The following PRKD1 variants were observed in gnomAD, a reference collection of about 807,000 sequenced individuals.
PRKD1 encodes the protein serine/threonine-protein kinase D1.
A neutral mutation model predicts 95.9 loss-of-function variants in PRKD1; 63 were observed. That is an observed-to-expected ratio of 0.66 (90% confidence interval 0.54 to 0.81). The LOEUF is 0.81. Ranked by LOEUF, PRKD1 falls within the 30% of genes least tolerant of loss-of-function variation. PRKD1 has a pLI of 0.00. For synonymous variants in PRKD1, 425 were observed against 423.1 expected (o/e 1.00, Z -0.05); for missense variants, 1,048 against 1,165.3 (o/e 0.90, Z 1.47).
At chr14:29,827,452 T>G (rs1265378112) in intron 1 of PRKD1, among the ~76,000 whole-genome samples, 2 of 152,058 alleles carry the variant, frequency 1.3e-5, no homozygotes, top group African/African-American at 2.4e-5. Context: ...CCTCCACTGG[T>G]GATCTTTCAC....
intron 1 of PRKD1, among the ~76,000 whole-genome samples, chr14:29,866,086 T>C (rs1350052354): frequency 6.6e-6 from 1 of 152,134 alleles, no homozygotes; most frequent in Non-Finnish European, 1.5e-5. Context: ...CAGATGATGA[T>C]GTTTATTACA....
chr14:29,693,569 T>A (rs189863860), intron 2 of PRKD1, among the ~76,000 whole-genome samples: 257 of 150,954 alleles, frequency 1.7e-3, no homozygotes, highest in Admixed American at 4.3e-3. Flanking sequence ...TAATCAATTC[T>A]GAATTTCAAG....
intron 1 of PRKD1, among the ~76,000 whole-genome samples, chr14:29,741,861 A>T (rs34297732): frequency 0.17 from 24,219 of 141,132 alleles, 2,139 homozygotes; most frequent in South Asian, 0.24. Context: ...GATTTTTTTT[A>T]AAAAAACTCC....
chr14:29,679,027 T>G (rs936848043), intron 2 of PRKD1, among the ~76,000 whole-genome samples: 8 of 152,316 alleles, frequency 5.3e-5, no homozygotes, highest in Non-Finnish European at 1.0e-4. Context: ...ATCACTTTCT[T>G]GGACTCTTTT....
Position 29,665,206 on chromosome 14 carries a change from C to T in PRKD1, c.535+871G>A, listed in dbSNP as rs892689542. ...TAGAGGGCACAACATAAGCAGATAGCTCCATCATGCATTATTTTTTATTTT... is the reference window on the plus strand; with the variant it reads ...TAGAGGGCACAACATAAGCAGATAGTTCCATCATGCATTATTTTTTATTTT... On this transcript the variant is annotated intron_variant, in intron 3 of 17. Transcript: ENST00000331968. Among the ~76,000 whole-genome samples, 7 of 152,134 alleles carry T rather than the reference C, an allele frequency of 4.6e-5. No individual in the cohort carries two copies. The East Asian group carries it at 1.3e-3, about 29-fold the overall frequency.
chr14:29,597,422 ATTAAT>A (rs1459766198), intron 16 of PRKD1, 64 bp downstream of exon 16: 32 of 1,361,104 alleles, frequency 2.4e-5, no homozygotes, highest in Non-Finnish European at 3.1e-5. Context: ...TTACAATTAA[ATTAAT>A]TTAAATTAAT....
intron 16 of PRKD1, 99 bp from the exon 17 acceptor site, chr14:29,578,459 C>A: frequency 1.5e-6 from 1 of 665,750 alleles, no homozygotes; most frequent in Non-Finnish European, 2.1e-6. Context: ...CAGTTAAATG[C>A]AGCATAGTGA....
chr14:29,746,633 G>A (rs1594480062), intron 1 of PRKD1, among the ~76,000 whole-genome samples: 1 of 151,974 alleles, frequency 6.6e-6, no homozygotes, highest in East Asian at 1.9e-4. Context: ...TGTATCCCCA[G>A]TACCCAGGCT....
intron 2 of PRKD1, among the ~76,000 whole-genome samples, chr14:29,689,407 G>A (rs752621611): frequency 1.3e-5 from 2 of 152,036 alleles, no homozygotes; most frequent in Non-Finnish European, 1.5e-5. Context: ...ATCTCAATCA[G>A]ATACCATCTC....
At chr14:29,797,666 G>A (rs935033190) in intron 1 of PRKD1, among the ~76,000 whole-genome samples, 1 of 152,038 alleles carries the variant, frequency 6.6e-6, no homozygotes, top group Non-Finnish European at 1.5e-5. Context: ...CTTGGGCCCA[G>A]GGAACCTCGA....
intron 16 of PRKD1, among the ~76,000 whole-genome samples, chr14:29,579,591 G>A (rs1594334453): frequency 6.6e-6 from 1 of 152,086 alleles, no homozygotes; most frequent in Non-Finnish European, 1.5e-5. Context: ...TGTCACATGA[G>A]ACCAGAGGAA....
chr14:29,576,713 A>C lies in PRKD1; in HGVS notation c.*525T>G, dbSNP rs938704949. 5.9e-6 allele frequency: 1 copy of C among 170,316 alleles called. No individual in the cohort carries two copies. Among genetic ancestry groups the C allele is most frequent in the Non-Finnish European group, 1.3e-5 (1 of 77,102 alleles). 10.6% of individuals were successfully genotyped at this position (170,316 alleles called of 1,614,324 possible). A position where few individuals can be genotyped will look rare whatever the true frequency, so the allele number is the denominator to read the frequency against. ...ACACCAGGCAGGCAAAGGATTCAAA[A>C]CTATACATTAAAACTTGTTCATGCA... On this transcript the variant is annotated 3_prime_UTR_variant, in exon 18 of 18. Coordinates refer to ENST00000331968, the MANE Select transcript of PRKD1 (RefSeq NM_002742.3).
At chr14:29,647,412 A>C (rs1463350163) in intron 4 of PRKD1, among the ~76,000 whole-genome samples, 1 of 152,252 alleles carries the variant, frequency 6.6e-6, no homozygotes, top group Non-Finnish European at 1.5e-5. Flanking sequence ...TTTCCACCGA[A>C]GAAGAAAATA....
chr14:29,661,937 A>G (rs1882214217), intron 4 of PRKD1, among the ~76,000 whole-genome samples: 1 of 152,212 alleles, frequency 6.6e-6, no homozygotes, highest in Non-Finnish European at 1.5e-5. Flanking sequence ...TTTACAAAAA[A>G]ATTTTAATTC....
intron 1 of PRKD1, among the ~76,000 whole-genome samples, chr14:29,884,878 T>C (rs1231973208): frequency 6.6e-6 from 1 of 152,136 alleles, no homozygotes; most frequent in Non-Finnish European, 1.5e-5. Flanking sequence ...ATCCCAGCAC[T>C]TTGGGAGGCC....
Position 29,646,266 on chromosome 14 carries a change from G to C in PRKD1, c.697-7362C>G, listed in dbSNP as rs545500691. 5.9e-5 allele frequency among the ~76,000 whole-genome samples: 9 copies of C among 151,922 alleles called. No homozygotes were observed. The South Asian group carries it at 1.5e-3, about 25-fold the overall frequency. On this transcript the variant is annotated intron_variant, in intron 4 of 17. Transcript: ENST00000331968. Reference sequence around the variant, plus strand: ...TGGGTGTGGGATGGGGAGGAAGGAGGGATGGTTAATGGGTGCAAAAAAATA... The same window carrying C: ...TGGGTGTGGGATGGGGAGGAAGGAGCGATGGTTAATGGGTGCAAAAAAATA...
chr14:29,591,441 G>A (rs1043638254), intron 16 of PRKD1, among the ~76,000 whole-genome samples: 8 of 151,908 alleles, frequency 5.3e-5, no homozygotes, highest in African/African-American at 1.9e-4. Context: ...GTTATTTCTG[G>A]GGATCTGGGC....
At chr14:29,856,159 C>A (rs1892492518) in intron 1 of PRKD1, among the ~76,000 whole-genome samples, 1 of 152,046 alleles carries the variant, frequency 6.6e-6, no homozygotes, top group Non-Finnish European at 1.5e-5. Context: ...GTTGAATGGG[C>A]CAATTGGAAA....
chr14:29,728,059 T>C (rs756746158), intron 1 of PRKD1, among the ~76,000 whole-genome samples: 10 of 151,962 alleles, frequency 6.6e-5, no homozygotes, highest in Non-Finnish European at 1.5e-4. Context: ...TACCTAATGC[T>C]AGATGACGAG....
Sources: allele counts gnomAD v4.1 joint callset (sites outside exome capture counted in the v4.1 genomes callset), GRCh38; gene constraint gnomAD v4.1.1; transcripts MANE v1.5; gene names NCBI Gene and HGNC (gene_info 2026-07-23, HGNC 2026-07-21).